The following PINX1 variants were observed in gnomAD, a reference collection of about 807,000 sequenced individuals.
PINX1 encodes PIN2 (TERF1) interacting telomerase inhibitor 1, also known as PIN2/TERF1-interacting telomerase inhibitor 1.
PINX1 carries 34 observed loss-of-function variants against 25.4 expected under a neutral mutation model. The ratio of observed to expected loss-of-function variants is 1.34; its 90% confidence interval spans 1.02 to 1.78. The LOEUF is 1.78. Ranked by LOEUF, PINX1 falls within the 40% of genes most tolerant of loss-of-function variation. The pLI is 0.00. For missense variants in PINX1, 592 were observed against 404.9 expected, an observed-to-expected ratio of 1.46 and a Z score of -3.97; for synonymous variants, 197 against 147.7, an observed-to-expected ratio of 1.33 and a Z score of -2.42.
rs886312074 is a variant in PINX1 at position 10,818,098 on chromosome 8, G to A, written c.471+2095C>T. ...GTTGAGAACTATGGCTACAGACGGAGAGCAGGGCCTGGTAGAAGACCACCT... is the reference window on the plus strand; with the variant it reads ...GTTGAGAACTATGGCTACAGACGGAAAGCAGGGCCTGGTAGAAGACCACCT... On this transcript the variant is annotated intron_variant, in intron 6 of 6. Coordinates refer to ENST00000314787, the MANE Select transcript of PINX1 (RefSeq NM_017884.6). 3.9e-5 allele frequency among the ~76,000 whole-genome samples: 6 copies of A among 152,180 alleles called. No individual in the cohort carries two copies. In the East Asian group the frequency reaches 1.2e-3, roughly 29 times the overall value.
chr8:10,805,053 T>G (rs1346138258), intron 6 of PINX1, among the ~76,000 whole-genome samples: 4 of 152,114 alleles, frequency 2.6e-5, no homozygotes, highest in Admixed American at 6.5e-5. Context: ...AAATACAGTT[T>G]CCACTAATCT....
At chr8:10,825,987 A>T (rs1798025348) in intron 5 of PINX1, among the ~76,000 whole-genome samples, 165 bp downstream of exon 5, 1 of 152,278 alleles carries the variant, frequency 6.6e-6, no homozygotes, top group South Asian at 2.1e-4. Context: ...CAAGATCCTC[A>T]GGCACACCAC....
chr8:10,827,412 T>C (rs964525079), intron 4 of PINX1, among the ~76,000 whole-genome samples: 4 of 152,010 alleles, frequency 2.6e-5, no homozygotes, highest in Non-Finnish European at 2.9e-5. Context: ...AGCCAGAAAG[T>C]AGGTCCTTGC....
At chr8:10,811,109 C>T (rs553683687) in intron 6 of PINX1, among the ~76,000 whole-genome samples, 1 of 152,224 alleles carries the variant, frequency 6.6e-6, no homozygotes, top group Non-Finnish European at 1.5e-5. Context: ...CTGGGCACTT[C>T]GCTAAGAGTT....
chr8:10,770,232 T>A (rs929032371), intron 6 of PINX1, among the ~76,000 whole-genome samples: 2 of 152,214 alleles, frequency 1.3e-5, no homozygotes, highest in African/African-American at 4.8e-5. Context: ...GTTCTCTGAC[T>A]CAGTTTCCTC....
chr8:10,809,395 G>C (rs1457041325), intron 6 of PINX1, among the ~76,000 whole-genome samples: 1 of 152,192 alleles, frequency 6.6e-6, no homozygotes, highest in African/African-American at 2.4e-5. Context: ...TGACAGAACA[G>C]GCCCCAAAAG....
intron 6 of PINX1, among the ~76,000 whole-genome samples, chr8:10,773,149 G>A (rs1563201902): frequency 6.6e-6 from 1 of 152,174 alleles, no homozygotes; most frequent in African/African-American, 2.4e-5. Context: ...TCGGCTCTGT[G>A]ACTGTGAATA....
At chr8:10,824,382 C>T (rs557297432) in intron 5 of PINX1, among the ~76,000 whole-genome samples, 2 of 152,306 alleles carry the variant, frequency 1.3e-5, no homozygotes, top group Admixed American at 6.5e-5. Flanking sequence ...CCCTTTCCTA[C>T]GTAGGCCCAG....
intron 6 of PINX1, among the ~76,000 whole-genome samples, chr8:10,787,315 T>A (rs928568600): frequency 3.3e-5 from 5 of 152,008 alleles, no homozygotes; most frequent in African/African-American, 1.2e-4. Context: ...TAGCCTCGAA[T>A]TCCTGGGCTC....
chr8:10,816,721 G>A (rs1797708716), intron 6 of PINX1, among the ~76,000 whole-genome samples: 1 of 152,238 alleles, frequency 6.6e-6, no homozygotes, highest in Non-Finnish European at 1.5e-5. Flanking sequence ...AAGCTGCTAA[G>A]GCCTAACTAA....
intron 6 of PINX1, among the ~76,000 whole-genome samples, chr8:10,798,357 T>C (rs1563216986): frequency 6.6e-6 from 1 of 152,156 alleles, no homozygotes; most frequent in Non-Finnish European, 1.5e-5. Flanking sequence ...CAAATCCATT[T>C]CCCTCAAACG....
intron 3 of PINX1, among the ~76,000 whole-genome samples, chr8:10,832,098 T>C (rs1226493125): frequency 6.6e-6 from 1 of 152,114 alleles, no homozygotes; most frequent in African/African-American, 2.4e-5. Context: ...GGAAATTCCA[T>C]AGTTGAAAGG....
rs553181110 is a variant in PINX1, at chr8:10,817,744, G to A, written c.471+2449C>T. On this transcript the variant is annotated intron_variant, in intron 6 of 6. Transcript: ENST00000314787. ...AGCCCCCGCCCAGGCTTCCTGAGTTGGAATCTGCAGTTTGACAGGGAAGAC... is the reference window on the plus strand; with the variant it reads ...AGCCCCCGCCCAGGCTTCCTGAGTTAGAATCTGCAGTTTGACAGGGAAGAC... Among the ~76,000 whole-genome samples the A allele has an allele frequency of 4.6e-5, 7 of 152,220 alleles. No individual in the cohort carries two copies. The South Asian group carries it at 1.5e-3, about 32-fold the overall frequency.
intron 6 of PINX1, among the ~76,000 whole-genome samples, chr8:10,783,918 C>G (rs1325685750): frequency 6.6e-6 from 1 of 152,174 alleles, no homozygotes; most frequent in Non-Finnish European, 1.5e-5. Context: ...AAAGTAGGCT[C>G]TGTTTATGAA....
At chr8:10,817,691 C>T (rs890764934) in intron 6 of PINX1, among the ~76,000 whole-genome samples, 1 of 152,166 alleles carries the variant, frequency 6.6e-6, no homozygotes, top group African/African-American at 2.4e-5. Context: ...CACCTGGGGG[C>T]TCCTCGGATG....
At chr8:10,831,393 AAAT>A (rs1298682397) in intron 4 of PINX1, among the ~76,000 whole-genome samples, 1 of 152,228 alleles carries the variant, frequency 6.6e-6, no homozygotes, top group Non-Finnish European at 1.5e-5. Flanking sequence ...TGACTATAAT[AAAT>A]AATATTTTAT....
At chr8:10,822,579 A>G (rs554479960) in intron 5 of PINX1, among the ~76,000 whole-genome samples, 2 of 152,242 alleles carry the variant, frequency 1.3e-5, no homozygotes, top group African/African-American at 4.8e-5. Flanking sequence ...TCTAATAATC[A>G]TGATTATCAG....
intron 6 of PINX1, among the ~76,000 whole-genome samples, chr8:10,801,660 A>C (rs1245854555): frequency 1.3e-5 from 2 of 152,196 alleles, no homozygotes; most frequent in Non-Finnish European, 2.9e-5. Flanking sequence ...GGGCTCAGTG[A>C]CAGAGCTGGG....
At chr8:10,835,886 C>G (rs1344554370) in intron 1 of PINX1, among the ~76,000 whole-genome samples, 1 of 152,016 alleles carries the variant, frequency 6.6e-6, no homozygotes, top group Non-Finnish European at 1.5e-5. Context: ...ATATAAATTA[C>G]TGATCATTAT....
Sources: gnomAD v4.1 joint callset for allele counts (sites outside exome capture counted in the v4.1 genomes callset) on GRCh38, gnomAD v4.1.1 for gene constraint, MANE v1.5 for transcripts, NCBI Gene and HGNC (gene_info 2026-07-23, HGNC 2026-07-21) for gene names.